The following ADARB2 variants were observed in gnomAD, a reference collection of about 807,000 sequenced individuals.
The protein encoded by ADARB2 is inactive double-stranded RNA-specific editase B2.
A neutral mutation model predicts 62.2 loss-of-function variants in ADARB2; 25 were observed. The ratio of observed to expected loss-of-function variants is 0.40; its 90% CI spans 0.29 to 0.56. The LOEUF is 0.56. Ranked by LOEUF, ADARB2 falls within the 20% of genes least tolerant of loss-of-function variation. The pLI is 0.43. For missense variants in ADARB2, 1,071 were observed against 1,077.4 expected (o/e 0.99, Z 0.08); for synonymous variants, 572 against 500.8 (o/e 1.14, Z -1.90).
chr10:1,444,257 C>T (rs1038533515), intron 1 of ADARB2, among the ~76,000 whole-genome samples: 3 of 132,138 alleles, frequency 2.3e-5, no homozygotes, highest in Admixed American at 7.2e-5. Context: ...CATCCATTCA[C>T]CATCCATCTA....
intron 1 of ADARB2, among the ~76,000 whole-genome samples, chr10:1,596,824 A>C (rs1462772665): frequency 6.6e-6 from 1 of 152,226 alleles, no homozygotes; most frequent in Middle Eastern, 3.2e-3. Context: ...GGTGTCCCGC[A>C]GCAGGAGGGA....
At chr10:1,702,490 C>T (rs955592964) in intron 1 of ADARB2, among the ~76,000 whole-genome samples, 1 of 152,174 alleles carries the variant, frequency 6.6e-6, no homozygotes, top group Non-Finnish European at 1.5e-5. Flanking sequence ...TAGGGAATCC[C>T]GAAAATCTGG....
At chr10:1,633,675 G>A (rs1169681245) in intron 1 of ADARB2, among the ~76,000 whole-genome samples, 1 of 151,116 alleles carries the variant, frequency 6.6e-6, no homozygotes, top group African/African-American at 2.4e-5. Flanking sequence ...GGAGAACCCT[G>A]GCTAGTGCAC....
chr10:1,570,553 A>G (rs1832921558), intron 1 of ADARB2, among the ~76,000 whole-genome samples: 2 of 152,216 alleles, frequency 1.3e-5, no homozygotes, highest in African/African-American at 4.8e-5. Flanking sequence ...CCTCAGCTGA[A>G]GCACAGACCT....
intron 8 of ADARB2, among the ~76,000 whole-genome samples, chr10:1,198,726 G>A (rs1297728631): frequency 3.3e-5 from 5 of 152,208 alleles, no homozygotes; most frequent in African/African-American, 9.7e-5. Context: ...CTCTAATTGC[G>A]TTTTCTAAAA....
At chr10:1,256,488 A>G (rs1001016822) in intron 4 of ADARB2, among the ~76,000 whole-genome samples, 1 of 152,156 alleles carries the variant, frequency 6.6e-6, no homozygotes, top group Non-Finnish European at 1.5e-5. Context: ...TACTGAGACA[A>G]TAAAAAGGTG....
intron 1 of ADARB2, among the ~76,000 whole-genome samples, chr10:1,438,866 A>C (rs1219959429): frequency 6.4e-5 from 6 of 94,062 alleles, no homozygotes; most frequent in Admixed American, 1.0e-4. Flanking sequence ...AGTCTCCCCC[A>C]GGATGGAGGC....
chr10:1,395,112 T>G (rs1832600402), intron 1 of ADARB2, among the ~76,000 whole-genome samples: 1 of 152,134 alleles, frequency 6.6e-6, no homozygotes, highest in Non-Finnish European at 1.5e-5. Context: ...GCTGAGGGCT[T>G]GCTATATTGC....
At chr10:1,594,829 C>T (rs1284225564) in intron 1 of ADARB2, among the ~76,000 whole-genome samples, 2 of 152,198 alleles carry the variant, frequency 1.3e-5, no homozygotes, top group East Asian at 3.8e-4. Flanking sequence ...AATCCGGGCT[C>T]CCTTCCTCCC....
intron 1 of ADARB2, among the ~76,000 whole-genome samples, chr10:1,430,284 A>C (rs766443509): frequency 7.9e-5 from 12 of 152,252 alleles, no homozygotes; most frequent in Non-Finnish European, 1.5e-4. Flanking sequence ...AGAATCCTTA[A>C]GAATATTCAA....
At chr10:1,185,793 G>A (rs1228980893) in intron 8 of ADARB2, among the ~76,000 whole-genome samples, 1 of 152,232 alleles carries the variant, frequency 6.6e-6, no homozygotes, top group Non-Finnish European at 1.5e-5. Context: ...TTTCAAAAGT[G>A]TTGCCTCTTG....
chr10:1,680,979 G>A (rs534568592), intron 1 of ADARB2, among the ~76,000 whole-genome samples: 6 of 152,304 alleles, frequency 3.9e-5, no homozygotes, highest in Non-Finnish European at 7.3e-5. Context: ...GTATTCTCAC[G>A]CCAATAGTGA....
intron 3 of ADARB2, among the ~76,000 whole-genome samples, chr10:1,343,054 T>C (rs1290512822): frequency 1.3e-5 from 2 of 152,134 alleles, no homozygotes; most frequent in African/African-American, 4.8e-5. Flanking sequence ...GGAGAAAGAA[T>C]GGAGCATAAA....
chr10:1,216,605 C>T (rs562313267), intron 7 of ADARB2: 25 of 299,034 alleles, frequency 8.4e-5, no homozygotes, highest in South Asian at 7.5e-4. Context: ...CCTGGCTTCT[C>T]GTTAGCCTAT....
At chr10:1,254,062 T>A (rs1428543117) in intron 4 of ADARB2, among the ~76,000 whole-genome samples, 1 of 150,912 alleles carries the variant, frequency 6.6e-6, no homozygotes, top group African/African-American at 2.4e-5. Flanking sequence ...GTCGGCTCTG[T>A]GGTTAGGATG....
At chr10:1,575,699 G>T (rs1171294717) in intron 1 of ADARB2, among the ~76,000 whole-genome samples, 2 of 152,204 alleles carry the variant, frequency 1.3e-5, no homozygotes, top group African/African-American at 4.8e-5. Flanking sequence ...GGGAGGTTCA[G>T]CTGGGGGACT....
chr10:1,479,929 G>A (rs960249090), intron 1 of ADARB2, among the ~76,000 whole-genome samples: 2 of 152,054 alleles, frequency 1.3e-5, no homozygotes, highest in Non-Finnish European at 1.5e-5. Flanking sequence ...CTCCATAGAC[G>A]TGCTTTACTC....
In ADARB2 at chr10:1,201,352, C is replaced by T. The variant is rs184230389; in HGVS notation, c.1683-1205G>A. On this transcript the variant is annotated intron_variant, in intron 7 of 9. Transcript: ENST00000381312. ...AATATTTATATACAAACAATTTAGT[C>T]CTACAATTTAAACAGTCATTGATTT... Among the ~76,000 whole-genome samples, 118 of 147,828 alleles carry T rather than the reference C, an allele frequency of 8.0e-4. 1 individual carries two copies. The highest frequency in any genetic ancestry group is 2.8e-3 in the African/African-American group (113 of 40,750).
intron 1 of ADARB2, among the ~76,000 whole-genome samples, chr10:1,438,196 GCCC>G: frequency 6.6e-6 from 1 of 151,652 alleles, no homozygotes; most frequent in East Asian, 2.0e-4. Flanking sequence ...ATGGAGGCAG[GCCC>G]TTCACGACAG....
Sources: gnomAD v4.1 joint callset for allele counts (sites outside exome capture counted in the v4.1 genomes callset) on GRCh38, gnomAD v4.1.1 for gene constraint, MANE v1.5 for transcripts, NCBI Gene and HGNC (gene_info 2026-07-23, HGNC 2026-07-21) for gene names.